INTS1: variants seen among roughly 807,000 people sequenced by gnomAD.
The protein encoded by INTS1 is integrator complex subunit 1.
A neutral mutation model predicts 241.6 loss-of-function variants in INTS1; 137 were observed. The ratio of observed to expected loss-of-function variants is 0.57; its 90% CI spans 0.49 to 0.65. INTS1 has a LOEUF of 0.65. Ranked by LOEUF, INTS1 falls within the 30% of genes least tolerant of loss-of-function variation. The probability of loss-of-function intolerance (pLI) is 0.00; values close to 1 mark genes in which losing one functional copy is unlikely to be tolerated. For synonymous variants in INTS1, 1,692 were observed against 1,337.8 expected (o/e 1.26, Z -5.78); for missense variants, 3,073 against 3,032.2 (o/e 1.01, Z -0.32).
Position 1,486,999 on chromosome 7 carries a change from C to T in INTS1, c.2749G>A (p.Asp917Asn), listed in dbSNP as rs1782301523. ...CCGGAAGCAGCATCGTCCACAGCATCGTGCAGCAGGAACTCGCACAGACAC... is the reference window on the plus strand; with the variant it reads ...CCGGAAGCAGCATCGTCCACAGCATTGTGCAGCAGGAACTCGCACAGACAC... ...VQCLCEFLLHDAVDDAASGEE... is the reference protein window; with the variant it reads ...VQCLCEFLLHNAVDDAASGEE... Residue 917 changes from aspartate (D) to asparagine (N), a missense_variant, in exon 21 of 48, where the codon GAT (aspartate) becomes AAT (asparagine). Asp to Asn is a conservative substitution (Grantham distance 23, BLOSUM62 1). Transcript: ENST00000404767. 3.1e-6 allele frequency: 5 copies of T among 1,607,340 alleles called. No homozygotes were observed. The highest frequency in any genetic ancestry group is 4.2e-6 in the Non-Finnish European group (5 of 1,178,940).
At chr7:1,487,212 G>T in intron 20 of INTS1, 108 bp downstream of exon 20, 1 of 1,502,224 alleles carries the variant, frequency 6.7e-7, no homozygotes. Context: ...GCCAGCTCAT[G>T]GGCCCCGCAT....
chr7:1,496,121 C>G, intron 12 of INTS1, 35 bp downstream of exon 12: 1 of 1,560,910 alleles, frequency 6.4e-7, no homozygotes, highest in South Asian at 1.1e-5. Context: ...CCGAGACCCC[C>G]ACCAAGCAGG....
intron 25 of INTS1, 48 bp from the exon 26 acceptor site, chr7:1,483,901 G>C: frequency 6.3e-7 from 1 of 1,588,600 alleles, no homozygotes; most frequent in Middle Eastern, 1.7e-4. Flanking sequence ...GGGACCCTGA[G>C]CCAGCGCCGA....
At position 1,471,764 on chromosome 7, in the gene INTS1, T is replaced by C. The variant is rs1249712393; in HGVS notation, c.6185-123A>G. 3.4e-6 allele frequency: 3 copies of C among 870,472 alleles called. No homozygotes were observed. In the African/African-American group the frequency reaches 5.1e-5, roughly 15 times the overall value. The allele number at this position is 870,472 out of a possible 1,614,324, so 53.9% of individuals were successfully genotyped here. A position where few individuals can be genotyped will look rare whatever the true frequency, so the allele number is the denominator to read the frequency against. ...ACAGGACAGAAAGCACTGGAAAGCATGAGCCCAGTGACGCCCCAGGCAGTC... is the reference window on the plus strand; with the variant it reads ...ACAGGACAGAAAGCACTGGAAAGCACGAGCCCAGTGACGCCCCAGGCAGTC... On this transcript the variant is annotated intron_variant, in intron 44 of 47. Coordinates refer to ENST00000404767, the MANE Select transcript of INTS1 (RefSeq NM_001080453.3).
At position 1,502,541 on chromosome 7, in the gene INTS1, G is replaced by A. The variant is rs185709210; in HGVS notation, c.349+360C>T. On this transcript the variant is annotated intron_variant, in intron 3 of 47. Coordinates refer to ENST00000404767, the MANE Select transcript of INTS1 (RefSeq NM_001080453.3). The stretch of plus-strand genomic sequence containing the variant: ...CCTCCGCTCAGGTTGAGAGAGGAAC[G>A]CACCAGGATGGGCAACCTTGAGAAC... 6.0e-3 allele frequency among the ~76,000 whole-genome samples: 908 copies of A among 152,276 alleles called. 8 individuals carry two copies. The highest frequency in any genetic ancestry group is 9.6e-3 in the Non-Finnish European group (651 of 68,018).
Position 1,481,549 on chromosome 7 carries a change from C to A in INTS1, c.3704-61G>T. On this transcript the variant is annotated intron_variant, in intron 27 of 47. Coordinates refer to ENST00000404767, the MANE Select transcript of INTS1 (RefSeq NM_001080453.3). This position sits in a 1 kb window ranked among gnomAD's most constrained non-coding sequence, Gnocchi z 6.8. ...CCCGGGCAATGCGCACTCGGGACCC[C>A]ACCCGAGACCTGGGGCTGCCTGTGT... is the stretch of plus-strand genomic sequence containing the variant. The A allele has an allele frequency of 6.6e-7, 1 of 1,521,958 alleles. No individual in the cohort carries two copies. The highest frequency in any genetic ancestry group is 1.9e-5 in the Admixed American group (1 of 53,698). 94.3% of individuals were successfully genotyped at this position (1,521,958 alleles called of 1,614,324 possible). A position where few individuals can be genotyped will look rare whatever the true frequency, so the allele number is the denominator to read the frequency against.
chr7:1,483,412 A>T, intron 26 of INTS1: 2 of 415,768 alleles, frequency 4.8e-6, no homozygotes, highest in South Asian at 4.6e-5. Flanking sequence ...TGAAATCCCG[A>T]GTTTGCCGCC....
At position 1,485,042 on chromosome 7, in the gene INTS1, C is replaced by T. The variant is rs939242792; in HGVS notation, c.3261+56G>A. ...CGTCCCCTCCCCAGGGCCACACTGC[C>T]GGCTGGCCCCGTCCCCTCCCCAGGG... On this transcript the variant is annotated intron_variant, in intron 24 of 47. Transcript: ENST00000404767. 2.0e-5 allele frequency: 18 copies of T among 882,162 alleles called. 2 individuals are homozygous for T. Among genetic ancestry groups the T allele is most frequent in the Non-Finnish European group, 2.6e-5 (15 of 587,060 alleles). 54.6% of individuals were successfully genotyped at this position (882,162 alleles called of 1,614,324 possible).
At position 1,493,228 on chromosome 7, in the gene INTS1, C is replaced by T. The variant is rs1427793387; in HGVS notation, c.2069-122G>A. The T allele has an allele frequency of 3.9e-5, 28 of 710,316 alleles. No homozygotes were observed. The highest frequency in any genetic ancestry group is 1.0e-4 in the South Asian group (6 of 57,960). 44.0% of individuals were successfully genotyped at this position (710,316 alleles called of 1,614,324 possible). A position where few individuals can be genotyped will look rare whatever the true frequency, so the allele number is the denominator to read the frequency against. On this transcript the variant is annotated intron_variant, in intron 15 of 47. Coordinates refer to ENST00000404767, the MANE Select transcript of INTS1 (RefSeq NM_001080453.3). This position sits in a 1 kb window ranked among gnomAD's most constrained non-coding sequence, Gnocchi z 5.3. ...GGGTGGGGGATGCCGCAGGGTGGGG[C>T]GCAGGCCTGAGCAGGAGAGCTGGGG...
rs78170184 is a variant in INTS1, at chr7:1,478,930, C to T, written c.4330-45G>A. On this transcript the variant is annotated intron_variant, in intron 31 of 47. Transcript: ENST00000404767. ...CGTGGCTACCCTGGCAGAGGACACA[C>T]GGGGACCCGGCACCCGAGGCCCAGA... 3.4e-3 allele frequency: 5,339 copies of T among 1,559,984 alleles called. 160 individuals are homozygous for T. The African/African-American group carries it at 0.064, about 19-fold the overall frequency.
intron 3 of INTS1, among the ~76,000 whole-genome samples, chr7:1,502,120 C>T (rs1783211930): frequency 6.6e-6 from 1 of 152,132 alleles, no homozygotes; most frequent in South Asian, 2.1e-4. Flanking sequence ...ACTCAGTAAC[C>T]AGAGGTGGCG....
chr7:1,496,992 A>G, intron 11 of INTS1, 146 bp downstream of exon 11: 1 of 818,788 alleles, frequency 1.2e-6, no homozygotes, highest in Non-Finnish European at 1.9e-6. Context: ...GGGACGCGTC[A>G]CCGCAAACAG....
At chr7:1,475,822 C>T (rs759433581) in intron 39 of INTS1, 126 bp downstream of exon 39, 79 of 1,211,248 alleles carry the variant, frequency 6.5e-5, no homozygotes, top group Non-Finnish European at 8.1e-5. Context: ...CACAGGGCGG[C>T]GCGGACTGGG....
In INTS1 at chr7:1,487,933, G is replaced by A. The variant is rs757215025; in HGVS notation, c.2343C>T (p.Thr781=). The change falls in exon 19 of 48, where the codon ACC becomes ACT. Residue 781 remains threonine, a synonymous_variant. Transcript: ENST00000404767. The part of the protein sequence containing the change: ...MTNNYSYPPC[T]LTDEETRTEM... The stretch of plus-strand genomic sequence containing the variant: ...CCGTCCGGGTCTCCTCATCCGTCAG[G>A]GTGCACGGTGGGTAGGAGTAGTTGC... The A allele has an allele frequency of 1.2e-6, 2 of 1,613,366 alleles. No individual in the cohort carries two copies. The highest frequency in any genetic ancestry group is 1.1e-5 in the South Asian group (1 of 91,086).
In INTS1 at chr7:1,470,504, TCCTGGGCTTTG is replaced by T. The variant is rs1300471475; in HGVS notation, c.*62_*72del. 5.8e-6 allele frequency: 7 copies of T among 1,214,594 alleles called. No individual in the cohort carries two copies. The Admixed American group carries it at 1.2e-4, about 21-fold the overall frequency. 75.2% of individuals were successfully genotyped at this position (1,214,594 alleles called of 1,614,324 possible). On this transcript the variant is annotated 3_prime_UTR_variant, in exon 48 of 48. Transcript: ENST00000404767. ...CGGACAGACCAGCAACGCCCACGCT[TCCTGGGCTTTG>T]CCTCGAGGATCCCCGGGGACGGGAC... is the stretch of plus-strand genomic sequence containing the variant.
intron 31 of INTS1, 27 bp downstream of exon 31, chr7:1,479,403 C>T: frequency 6.4e-7 from 1 of 1,554,156 alleles, no homozygotes; most frequent in Non-Finnish European, 8.7e-7. Flanking sequence ...TGCCCTCCTC[C>T]CCCGCAAGAG....
chr7:1,483,939 G>T, intron 25 of INTS1, 64 bp downstream of exon 25: 6 of 1,587,110 alleles, frequency 3.8e-6, no homozygotes, highest in South Asian at 1.1e-5. Context: ...CGAGCGTGCC[G>T]TGCAGCCTCA....
chr7:1,480,546 G>T, intron 29 of INTS1, 105 bp from the exon 30 acceptor site: 1 of 1,315,476 alleles, frequency 7.6e-7, no homozygotes, highest in Non-Finnish European at 1.0e-6. Context: ...CTGTCACCCA[G>T]GAGGAAGAGC....
chr7:1,472,396 A>C lies in INTS1; in HGVS notation c.6071-10T>G, dbSNP rs772547243. The stretch of plus-strand genomic sequence containing the variant: ...CCGGCTGAGCTCTCCTCTGGAAGAC[A>C]GTGGCAGTGCTGCAGGAGGGCGGGA... On this transcript the variant is annotated splice_polypyrimidine_tract_variant and intron_variant, in intron 43 of 47. Coordinates refer to ENST00000404767, the MANE Select transcript of INTS1 (RefSeq NM_001080453.3). 1.3e-6 allele frequency: 2 copies of C among 1,525,636 alleles called. No individual in the cohort carries two copies. Among genetic ancestry groups the C allele is most frequent in the Non-Finnish European group, 1.8e-6 (2 of 1,129,212 alleles). 94.5% of individuals were successfully genotyped at this position (1,525,636 alleles called of 1,614,324 possible). A position where few individuals can be genotyped will look rare whatever the true frequency, so the allele number is the denominator to read the frequency against.
Sources: gnomAD v4.1 joint callset for allele counts (sites outside exome capture counted in the v4.1 genomes callset) on GRCh38, gnomAD v4.1.1 for gene constraint, Gnocchi (gnomAD v3.1) non-coding constraint, MANE v1.5 for transcripts, NCBI Gene and HGNC (gene_info 2026-07-23, HGNC 2026-07-21) for gene names.